PUM3: variants seen among roughly 807,000 people sequenced by gnomAD.
PUM3 encodes pumilio homolog 3.
Under a neutral mutation model 84.0 loss-of-function variants are expected in PUM3, and 91 were observed. The ratio of observed to expected loss-of-function variants is 1.08; its 90% confidence interval spans 0.91 to 1.29. The LOEUF (loss-of-function observed/expected upper bound fraction) is 1.29. Among genes scored for constraint, PUM3 ranks in the 50% most tolerant of loss-of-function variants. The pLI is 0.00. For synonymous variants in PUM3, 321 were observed against 266.7 expected, an observed-to-expected ratio of 1.20 and a Z score of -1.98; for missense variants, 1,067 against 767.5, an observed-to-expected ratio of 1.39 and a Z score of -4.61.
chr9:2,810,918 C>T (rs1821354581), intron 15 of PUM3, among the ~76,000 whole-genome samples: 1 of 152,200 alleles, frequency 6.6e-6, no homozygotes, highest in Admixed American at 6.5e-5. Flanking sequence ...TCTTCAAGAG[C>T]AATACCAAGC....
intron 7 of PUM3, 92 bp from the exon 8 acceptor site, chr9:2,830,040 T>G (rs80239789): frequency 9.2e-7 from 1 of 1,082,060 alleles, no homozygotes; most frequent in Non-Finnish European, 1.4e-6. Context: ...GACCAACTCA[T>G]CAATCTGTGT....
chr9:2,834,931 A>T (rs1198859378), intron 3 of PUM3, among the ~76,000 whole-genome samples: 7 of 151,752 alleles, frequency 4.6e-5, no homozygotes, highest in Admixed American at 4.6e-4. Context: ...TATTATTTAC[A>T]TGAGTATCTG....
At chr9:2,811,302 A>C in intron 15 of PUM3, 59 bp downstream of exon 15, 1 of 1,530,746 alleles carries the variant, frequency 6.5e-7, no homozygotes, top group South Asian at 1.1e-5. Flanking sequence ...CACATCGTCC[A>C]AAAACGAAGT....
intron 17 of PUM3, among the ~76,000 whole-genome samples, chr9:2,806,675 TTGTGGATTGATTATAAA>T (rs1196683348): frequency 6.6e-6 from 1 of 152,206 alleles, no homozygotes. Flanking sequence ...TTTCAATGAT[TTGTGGATTGATTATAAA>T]CTCAACTAAG....
In PUM3 at chr9:2,828,666, C is replaced by T. The variant is rs1203682737; in HGVS notation, c.956+9G>A. 6 of 1,494,432 alleles carry T rather than the reference C, an allele frequency of 4.0e-6. No individual in the cohort carries two copies. The South Asian group carries it at 4.6e-5, about 11-fold the overall frequency. 92.6% of individuals were successfully genotyped at this position (1,494,432 alleles called of 1,614,324 possible). Reference sequence around the variant, plus strand: ...TTTCTTAAGAACAAAACAAAAACAACTTTCTTACTTTTGGGCCATTGGAGT... The same window carrying T: ...TTTCTTAAGAACAAAACAAAAACAATTTTCTTACTTTTGGGCCATTGGAGT... On this transcript the variant is annotated intron_variant, in intron 9 of 17. Transcript: ENST00000397885.
intron 13 of PUM3, among the ~76,000 whole-genome samples, chr9:2,817,887 ATACT>A (rs1821503072): frequency 6.6e-6 from 1 of 152,116 alleles, no homozygotes; most frequent in South Asian, 2.1e-4. Context: ...ATTGGCTAGT[ATACT>A]TATTTACTTT....
At position 2,829,895 on chromosome 9, in the gene PUM3, T is replaced by A; in HGVS notation, c.731A>T (p.Lys244Met). ...TGATGCTTCCGCATGCCGCAGCATC[T>A]TCCTCACGTGGCCTTTAAAACTTCT... is the stretch of plus-strand genomic sequence containing the variant. ...IIRSFKGHVR[K>M]MLRHAEASAI... is the part of the protein sequence containing the mutation. Residue 244 changes from lysine (K) to methionine (M), a missense_variant, in exon 8 of 18, where the codon AAG (lysine) becomes ATG (methionine). Transcript: ENST00000397885. The A allele has an allele frequency of 6.2e-7, 1 of 1,614,002 alleles. No homozygotes were observed. The highest frequency in any genetic ancestry group is 8.5e-7 in the Non-Finnish European group (1 of 1,179,870).
chr9:2,838,216 T>C (rs557262697), intron 2 of PUM3, among the ~76,000 whole-genome samples: 1 of 152,336 alleles, frequency 6.6e-6, no homozygotes, highest in South Asian at 2.1e-4. Flanking sequence ...ATAAGGAGTC[T>C]TTCATGAATA....
At chr9:2,809,092 G>C (rs181571188) in intron 16 of PUM3, among the ~76,000 whole-genome samples, 1 of 152,074 alleles carries the variant, frequency 6.6e-6, no homozygotes, top group Non-Finnish European at 1.5e-5. Flanking sequence ...ACCACAAACC[G>C]AGCAGCCCTA....
intron 3 of PUM3, among the ~76,000 whole-genome samples, chr9:2,835,606 G>A (rs1382917228): frequency 6.6e-6 from 1 of 152,076 alleles, no homozygotes; most frequent in East Asian, 1.9e-4. Flanking sequence ...AGGCAACAGA[G>A]GGCATATTTA....
At chr9:2,816,645 C>A (rs1300802650) in intron 13 of PUM3, among the ~76,000 whole-genome samples, 3 of 152,146 alleles carry the variant, frequency 2.0e-5, no homozygotes, top group Non-Finnish European at 4.4e-5. Flanking sequence ...TCCTACAGTC[C>A]CTCCCACATC....
At chr9:2,828,234 G>A (rs1815876902) in intron 9 of PUM3, among the ~76,000 whole-genome samples, 1 of 152,008 alleles carries the variant, frequency 6.6e-6, no homozygotes, top group Admixed American at 6.6e-5. Flanking sequence ...GTAGAGATGG[G>A]GTCTTGCTAT....
intron 1 of PUM3, among the ~76,000 whole-genome samples, chr9:2,843,209 C>G (rs1816314555): frequency 6.6e-6 from 1 of 152,194 alleles, no homozygotes; most frequent in African/African-American, 2.4e-5. Flanking sequence ...CCTACAGAAC[C>G]TAGTTCCACT....
At chr9:2,840,365 T>TA (rs1816237246) in intron 1 of PUM3, among the ~76,000 whole-genome samples, 2 of 152,162 alleles carry the variant, frequency 1.3e-5, no homozygotes, top group Admixed American at 1.3e-4. Flanking sequence ...AGGCATACGT[T>TA]AAACTACCAC....
At chr9:2,828,844 A>G (rs1280135649) in intron 8 of PUM3, 66 bp from the exon 9 acceptor site, 9 of 866,236 alleles carry the variant, frequency 1.0e-5, no homozygotes, top group South Asian at 2.9e-5. Flanking sequence ...AGGAAAAAGA[A>G]AAGTAATTAG....
intron 13 of PUM3, among the ~76,000 whole-genome samples, chr9:2,814,916 C>T (rs985208271): frequency 2.0e-5 from 3 of 152,074 alleles, no homozygotes; most frequent in Admixed American, 6.6e-5. Context: ...GGCATGAAGC[C>T]GGCAATGTAT....
chr9:2,815,434 G>A (rs998373442), intron 13 of PUM3, among the ~76,000 whole-genome samples: 8 of 152,168 alleles, frequency 5.3e-5, no homozygotes, highest in Admixed American at 1.3e-4. Context: ...CCAGTAACAT[G>A]TATAAATAGG....
rs145168362 is a variant in PUM3 at position 2,812,256 on chromosome 9, A to C, written c.1376T>G (p.Ile459Ser). Residue 459 changes from isoleucine (I) to serine (S), a missense_variant, in exon 14 of 18, where the codon ATT becomes AGT. By Grantham distance (142) the Ile-to-Ser change is moderately radical. Coordinates refer to ENST00000397885, the MANE Select transcript of PUM3 (RefSeq NM_014878.5). ...RDPAHTVREI[I>S]EVLQKGDGNA... is the part of the protein sequence containing the mutation. ...TCCATCTCCTTTTTGCAGAACTTCA[A>C]TGATTTCTCGTACTGTATGTGCAGG... 2.7e-5 allele frequency: 44 copies of C among 1,613,672 alleles called. No individual in the cohort carries two copies. The highest frequency in any genetic ancestry group is 3.6e-5 in the Non-Finnish European group (42 of 1,179,752).
At chr9:2,827,204 A>T in intron 9 of PUM3, 53 bp from the exon 10 acceptor site, 1 of 1,259,300 alleles carries the variant, frequency 7.9e-7, no homozygotes. Flanking sequence ...CACTACAGTC[A>T]TACAAAGACA....
Sources: gnomAD v4.1 joint callset for allele counts (sites outside exome capture counted in the v4.1 genomes callset) on GRCh38, gnomAD v4.1.1 for gene constraint, MANE v1.5 for transcripts, NCBI Gene and HGNC (gene_info 2026-07-23, HGNC 2026-07-21) for gene names.